Variants in FRMPD4 observed in about 807,000 individuals in gnomAD.
The protein encoded by FRMPD4 is FERM and PDZ domain containing 4.
In FRMPD4, 22 loss-of-function variants were observed where a neutral mutation model predicts 94.1. The observed-to-expected ratio is 0.23, with a 90% confidence interval of 0.17 to 0.33. The LOEUF (loss-of-function observed/expected upper bound fraction) is 0.33. Ranked by LOEUF, FRMPD4 falls within the 10% of genes least tolerant of loss-of-function variation. The pLI, the probability that FRMPD4 is intolerant of heterozygous loss-of-function variation, is 1.00. For synonymous variants in FRMPD4, 631 were observed against 548.6 expected (o/e 1.15, Z -2.10); for missense variants, 1,111 against 1,339.9 (o/e 0.83, Z 2.67).
At chrX:12,171,305 G>A (rs2056217507) in intron 1 of FRMPD4, among the ~76,000 whole-genome samples, 1 of 111,935 alleles carries the variant, frequency 8.9e-6, no homozygotes, top group South Asian at 3.7e-4. Flanking sequence ...TACTGTTTGT[G>A]CATCCCCGTT....
chrX:12,434,831 G>A (rs768786763), intron 1 of FRMPD4, among the ~76,000 whole-genome samples: 2 of 112,524 alleles, frequency 1.8e-5, no homozygotes, highest in African/African-American at 6.5e-5. Flanking sequence ...GTTTTAGTTT[G>A]GGTGCAAATA....
intron 4 of FRMPD4, among the ~76,000 whole-genome samples, chrX:12,651,847 T>A (rs2059598280): frequency 8.9e-6 from 1 of 112,522 alleles, no homozygotes; most frequent in Non-Finnish European, 1.9e-5. Flanking sequence ...AGAATGTGAT[T>A]TTTTTAAAAA....
rs180823512 is a variant in FRMPD4 at position 12,350,626 on chromosome X, C to G, written c.42-148054C>G. 1.5e-4 allele frequency among the ~76,000 whole-genome samples: 17 copies of G among 111,762 alleles called. No individual in the cohort carries two copies. In the East Asian group the frequency reaches 4.5e-3, roughly 29 times the overall value. Reference sequence around the variant, plus strand: ...AACTACCCGGATATGAACTGAATGTCGAAACAGGTTAGACATTTCAAATTG... The same window carrying G: ...AACTACCCGGATATGAACTGAATGTGGAAACAGGTTAGACATTTCAAATTG... On this transcript the variant is annotated intron_variant, in intron 1 of 16. Transcript: ENST00000675598.
intron 1 of FRMPD4, among the ~76,000 whole-genome samples, chrX:11,835,766 T>C (rs956454974): frequency 3.6e-5 from 4 of 112,314 alleles, no homozygotes; most frequent in African/African-American, 1.3e-4. Flanking sequence ...TCCTGCCCTC[T>C]TCCCAGTATT....
At chrX:12,424,209 T>C (rs1326006525) in intron 1 of FRMPD4, among the ~76,000 whole-genome samples, 5 of 112,177 alleles carry the variant, frequency 4.5e-5, no homozygotes, top group Non-Finnish European at 1.9e-5. Context: ...GTCATTTCTT[T>C]TCAGATTGAT....
chrX:11,877,354 C>T (rs966079596), intron 2 of FRMPD4, among the ~76,000 whole-genome samples: 7 of 111,769 alleles, frequency 6.3e-5, no homozygotes, highest in African/African-American at 1.9e-4. Flanking sequence ...CAGCTCAGAG[C>T]GCCAAATATC....
chrX:12,347,269 GCT>G (rs2055727949), intron 1 of FRMPD4, among the ~76,000 whole-genome samples: 2 of 110,979 alleles, frequency 1.8e-5, no homozygotes, highest in East Asian at 5.6e-4. Context: ...ACAGGATCTT[GCT>G]CTGTCACCCA....
chrX:11,846,468 T>C (rs372038430), intron 1 of FRMPD4, among the ~76,000 whole-genome samples: 15 of 110,117 alleles, frequency 1.4e-4, no homozygotes, highest in Non-Finnish European at 2.3e-4. Context: ...AGGTAATTTA[T>C]AGATTCAATG....
chrX:12,009,687 G>A (rs2054571813), intron 3 of FRMPD4, among the ~76,000 whole-genome samples: 1 of 111,671 alleles, frequency 9.0e-6, no homozygotes, highest in South Asian at 3.8e-4. Flanking sequence ...ACTTGAAGTT[G>A]ATAGCTTTAA....
chrX:12,475,929 C>T (rs772482610), intron 1 of FRMPD4, among the ~76,000 whole-genome samples: 1 of 111,445 alleles, frequency 9.0e-6, no homozygotes, highest in East Asian at 2.8e-4. Context: ...CATCAAGCTA[C>T]CAATGACTTT....
At chrX:11,955,548 G>A (rs1004306184) in intron 3 of FRMPD4, among the ~76,000 whole-genome samples, 3 of 109,884 alleles carry the variant, frequency 2.7e-5, no homozygotes, top group Admixed American at 9.8e-5. Flanking sequence ...TCAGGAGATC[G>A]AGACCACGGT....
At chrX:12,286,468 C>T (rs767793476) in intron 1 of FRMPD4, among the ~76,000 whole-genome samples, 54 of 111,597 alleles carry the variant, frequency 4.8e-4, no homozygotes, top group African/African-American at 1.5e-3. Context: ...GAATAAGATC[C>T]CTTTGAATTC....
At chrX:12,186,071 T>TAAAAGAC (rs2056421350) in intron 1 of FRMPD4, among the ~76,000 whole-genome samples, 1 of 111,919 alleles carries the variant, frequency 8.9e-6, no homozygotes, top group Admixed American at 9.5e-5. Flanking sequence ...ATGTCTTTTA[T>TAAAAGAC]TGTTTGCATG....
intron 4 of FRMPD4, among the ~76,000 whole-genome samples, chrX:12,645,932 A>C (rs1162828301): frequency 8.9e-6 from 1 of 112,011 alleles, no homozygotes; most frequent in Non-Finnish European, 1.9e-5. Context: ...AGTGAAAAAT[A>C]CAGGAACATT....
At chrX:12,306,128 C>T (rs1462295274) in intron 1 of FRMPD4, among the ~76,000 whole-genome samples, 1 of 107,840 alleles carries the variant, frequency 9.3e-6, no homozygotes, top group Non-Finnish European at 1.9e-5. Context: ...ACCCAGTAGA[C>T]GTTAGCTAAT....
At chrX:12,527,626 C>A (rs1330636882) in intron 2 of FRMPD4, among the ~76,000 whole-genome samples, 2 of 110,111 alleles carry the variant, frequency 1.8e-5, no homozygotes, top group Non-Finnish European at 3.8e-5. Flanking sequence ...GCTAAATATC[C>A]TTCTCCCATT....
chrX:12,679,518 T>C (rs1469498827), intron 5 of FRMPD4, among the ~76,000 whole-genome samples: 1 of 111,409 alleles, frequency 9.0e-6, no homozygotes. Flanking sequence ...TGTTACTAAG[T>C]CACAGTCAGG....
At chrX:12,505,727 G>GA (rs34064982) in intron 2 of FRMPD4, among the ~76,000 whole-genome samples, 662 of 45,993 alleles carry the variant, frequency 0.014, 15 homozygotes, top group East Asian at 0.078. Context: ...AACTCCATCC[G>GA]AAAAAAAAAA....
chrX:12,643,966 T>G (rs1458223949), intron 4 of FRMPD4, among the ~76,000 whole-genome samples: 1 of 112,867 alleles, frequency 8.9e-6, no homozygotes, highest in African/African-American at 3.2e-5. Flanking sequence ...TGATCTGTTT[T>G]AGGTAGATGT....
Sources: allele counts gnomAD v4.1 joint callset (sites outside exome capture counted in the v4.1 genomes callset), GRCh38; gene constraint gnomAD v4.1.1; transcripts MANE v1.5; gene names NCBI Gene and HGNC (gene_info 2026-07-23, HGNC 2026-07-21).